The following PBX1 variants were observed in gnomAD, a reference collection of about 807,000 sequenced individuals.
PBX1 encodes pre-B-cell leukemia transcription factor 1.
Under a neutral mutation model 53.4 loss-of-function variants are expected in PBX1, and 6 were observed. The ratio of observed to expected loss-of-function variants is 0.11; its 90% CI spans 0.06 to 0.22. PBX1 has a LOEUF of 0.22. Ranked by LOEUF, PBX1 falls within the 10% of genes least tolerant of loss-of-function variation. The pLI is 1.00. For missense variants in PBX1, 251 were observed against 551.4 expected, an observed-to-expected ratio of 0.46 and a Z score of 5.46; for synonymous variants, 204 against 212.3, an observed-to-expected ratio of 0.96 and a Z score of 0.34.
At chr1:164,695,977 T>C (rs1662779537) in intron 2 of PBX1, among the ~76,000 whole-genome samples, 2 of 152,164 alleles carry the variant, frequency 1.3e-5, no homozygotes, top group East Asian at 1.9e-4. Flanking sequence ...TGTGCATTGA[T>C]TGGAAAATAC....
intron 2 of PBX1, among the ~76,000 whole-genome samples, chr1:164,623,778 G>A (rs1200075693): frequency 6.6e-6 from 1 of 152,168 alleles, no homozygotes; most frequent in Non-Finnish European, 1.5e-5. Context: ...CTCGAGTCGT[G>A]CCTAACGACG....
At chr1:164,583,556 T>A (rs1654766264) in intron 2 of PBX1, among the ~76,000 whole-genome samples, 1 of 152,118 alleles carries the variant, frequency 6.6e-6, no homozygotes, top group South Asian at 2.1e-4. Context: ...CCATTGTGAT[T>A]CTTGTGACTG....
chr1:164,578,612 G>C (rs77919780), intron 2 of PBX1, among the ~76,000 whole-genome samples: 3,044 of 152,254 alleles, frequency 0.02, 52 homozygotes, highest in Non-Finnish European at 0.031. Flanking sequence ...CCTGAATCAT[G>C]GGCAGAATCA....
intron 2 of PBX1, chr1:164,625,822 A>C (rs1571095584): frequency 1.9e-6 from 1 of 517,426 alleles, no homozygotes. Context: ...AAAAAAAAAA[A>C]AAGAAAAAAA....
intron 2 of PBX1, among the ~76,000 whole-genome samples, chr1:164,726,852 C>T (rs966269218): frequency 6.6e-6 from 1 of 152,172 alleles, no homozygotes; most frequent in South Asian, 2.1e-4. Context: ...CACTTCTAGG[C>T]GAAATGGCAT....
At chr1:164,852,231 A>C (rs1236782357), downstream of PBX1, among the ~76,000 whole-genome samples, 1 of 152,142 alleles carries the variant, frequency 6.6e-6, no homozygotes, top group Non-Finnish European at 1.5e-5. Context: ...CATAAGAAAA[A>C]TTGTGGTTCC....
At chr1:164,585,044 C>G (rs756111155) in intron 2 of PBX1, among the ~76,000 whole-genome samples, 37 of 152,058 alleles carry the variant, frequency 2.4e-4, no homozygotes, top group Non-Finnish European at 3.2e-4. Flanking sequence ...ATAAATAAAA[C>G]CAGGAAGCTA....
chr1:164,801,984 A>G (rs1212663353), intron 4 of PBX1, among the ~76,000 whole-genome samples: 1 of 152,210 alleles, frequency 6.6e-6, no homozygotes, highest in Non-Finnish European at 1.5e-5. Context: ...CTTAGTAAGA[A>G]AGACACACTC....
chr1:164,689,614 C>T (rs532495942), intron 2 of PBX1, among the ~76,000 whole-genome samples: 5 of 152,314 alleles, frequency 3.3e-5, no homozygotes, highest in South Asian at 2.1e-4. Flanking sequence ...GAAGGACCTG[C>T]GATTGCACAG....
intron 2 of PBX1, among the ~76,000 whole-genome samples, chr1:164,734,802 G>GGTACTGT (rs1350818461): frequency 6.6e-6 from 1 of 152,034 alleles, no homozygotes; most frequent in African/African-American, 2.4e-5. Context: ...TTTATATGAT[G>GGTACTGT]GTACTGTGAT....
intron 2 of PBX1, among the ~76,000 whole-genome samples, chr1:164,571,873 G>GTA (rs59338120): frequency 0.091 from 2,710 of 29,672 alleles, 182 homozygotes; most frequent in Non-Finnish European, 0.11. Flanking sequence ...TCTGTACATT[G>GTA]TATATATATA....
intron 2 of PBX1, among the ~76,000 whole-genome samples, chr1:164,788,759 C>CG (rs1158652364): frequency 2.1e-5 from 3 of 140,922 alleles, no homozygotes; most frequent in South Asian, 2.6e-4. Flanking sequence ...CCCTCCCCCC[C>CG]CCGCCCTTTT....
chr1:164,586,310 G>GTTA (rs1654949640), intron 2 of PBX1, among the ~76,000 whole-genome samples: 1 of 152,218 alleles, frequency 6.6e-6, no homozygotes, highest in Admixed American at 6.5e-5. Context: ...ACGTGCTGAA[G>GTTA]TTATCCCTGT....
chr1:164,821,647 A>G, intron 8 of PBX1, 21 bp downstream of exon 8: 1 of 1,576,992 alleles, frequency 6.3e-7, no homozygotes, highest in Non-Finnish European at 8.7e-7. Context: ...AAGCCCCCCC[A>G]CCCCCTGCTT....
intron 2 of PBX1, among the ~76,000 whole-genome samples, chr1:164,873,203 A>G (rs1236979814): frequency 6.6e-6 from 1 of 152,244 alleles, no homozygotes; most frequent in Non-Finnish European, 1.5e-5. Flanking sequence ...CAAGTCATTC[A>G]TGTTTTGATC....
intron 2 of PBX1, among the ~76,000 whole-genome samples, chr1:164,638,817 A>C (rs1489965049): frequency 6.6e-6 from 1 of 152,252 alleles, no homozygotes; most frequent in Non-Finnish European, 1.5e-5. Flanking sequence ...CTCCAGGGTC[A>C]GAGTGCCGGC....
At chr1:164,655,103 T>G (rs1483147465) in intron 2 of PBX1, among the ~76,000 whole-genome samples, 289 of 85,124 alleles carry the variant, frequency 3.4e-3, no homozygotes, top group Middle Eastern at 6.4e-3. Flanking sequence ...GATGTGTGTT[T>G]TTTTTTTTTT....
At chr1:164,588,384 C>T (rs769163089) in intron 2 of PBX1, among the ~76,000 whole-genome samples, 2 of 146,752 alleles carry the variant, frequency 1.4e-5, no homozygotes, top group Non-Finnish European at 3.0e-5. Context: ...AAAAAAATCA[C>T]ACGGTAAAAG....
chr1:164,753,198 G>A (rs1666323849), intron 2 of PBX1, among the ~76,000 whole-genome samples: 1 of 152,146 alleles, frequency 6.6e-6, no homozygotes, highest in Non-Finnish European at 1.5e-5. Context: ...GCACAAGATT[G>A]TCTTTATTTT....
Sources: allele counts gnomAD v4.1 joint callset (sites outside exome capture counted in the v4.1 genomes callset), GRCh38; gene constraint gnomAD v4.1.1; transcripts MANE v1.5; gene names NCBI Gene and HGNC (gene_info 2026-07-23, HGNC 2026-07-21).